RAD51B: variants seen among roughly 807,000 people sequenced by gnomAD.
The protein encoded by RAD51B is DNA repair protein RAD51 homolog 2.
Under a neutral mutation model 42.2 loss-of-function variants are expected in RAD51B, and 38 were observed. The observed-to-expected ratio is 0.90, with a 90% CI of 0.70 to 1.18. The LOEUF (loss-of-function observed/expected upper bound fraction) is 1.18, where lower values mean the gene tolerates loss of function less well. RAD51B is among the 50% of genes most tolerant of loss of function. The pLI is 0.00. For missense variants in RAD51B, 373 were observed against 400.7 expected, an observed-to-expected ratio of 0.93 and a Z score of 0.59; for synonymous variants, 154 against 145.2, an observed-to-expected ratio of 1.06 and a Z score of -0.43.
intron 7 of RAD51B, among the ~76,000 whole-genome samples, chr14:67,975,522 A>C (rs1214547222): frequency 2.6e-5 from 4 of 152,216 alleles, no homozygotes; most frequent in Admixed American, 6.5e-5. Flanking sequence ...ACAATCCTTA[A>C]CCAAATTAAA....
intron 1 of RAD51B, among the ~76,000 whole-genome samples, chr14:67,822,699 G>A (rs1594953995): frequency 6.6e-6 from 1 of 151,774 alleles, no homozygotes; most frequent in Admixed American, 6.6e-5. Flanking sequence ...CTCCAGCTGG[G>A]GTGACAGAGC....
chr14:68,016,163 G>A (rs4902544), intron 7 of RAD51B, among the ~76,000 whole-genome samples: 59 of 152,090 alleles, frequency 3.9e-4, no homozygotes, highest in East Asian at 2.9e-3. Context: ...AGCCATCAGC[G>A]TATGCCTCTA....
chr14:67,937,342 T>G (rs1035096590), intron 7 of RAD51B, among the ~76,000 whole-genome samples: 2 of 152,192 alleles, frequency 1.3e-5, no homozygotes, highest in Non-Finnish European at 2.9e-5. Context: ...ATTGGGGTAG[T>G]GAGAAAAGAA....
intron 7 of RAD51B, among the ~76,000 whole-genome samples, chr14:68,217,538 T>C (rs1317185893): frequency 6.6e-6 from 1 of 152,210 alleles, no homozygotes; most frequent in Non-Finnish European, 1.5e-5. Flanking sequence ...TTGAGTTCTT[T>C]ACCCACTCAG....
chr14:68,512,711 CTG>C (rs1438702679), intron 10 of RAD51B, among the ~76,000 whole-genome samples: 1 of 152,142 alleles, frequency 6.6e-6, no homozygotes, highest in Non-Finnish European at 1.5e-5. Flanking sequence ...AAAAAGGACA[CTG>C]TTCCTTCTTA....
intron 7 of RAD51B, among the ~76,000 whole-genome samples, chr14:68,073,094 G>T (rs896828165): frequency 6.6e-6 from 1 of 152,112 alleles, no homozygotes. Flanking sequence ...CTGCCTCGAT[G>T]GTTTGTCCGA....
At chr14:68,494,607 G>A (rs1486718469) in intron 10 of RAD51B, among the ~76,000 whole-genome samples, 3 of 152,012 alleles carry the variant, frequency 2.0e-5, no homozygotes, top group African/African-American at 7.3e-5. Flanking sequence ...TCCTATTCTT[G>A]TTGCCTTTGA....
At chr14:68,014,494 C>T (rs1490967124) in intron 7 of RAD51B, among the ~76,000 whole-genome samples, 3 of 152,102 alleles carry the variant, frequency 2.0e-5, no homozygotes, top group African/African-American at 4.8e-5. Flanking sequence ...CAGATAGAAG[C>T]ATATTCTTGT....
chr14:67,857,446 G>GT (rs2042033373), intron 4 of RAD51B, among the ~76,000 whole-genome samples: 1 of 152,242 alleles, frequency 6.6e-6, no homozygotes, highest in South Asian at 2.1e-4. Flanking sequence ...AGTTGCCCTT[G>GT]TTTAACTTTT....
intron 3 of RAD51B, among the ~76,000 whole-genome samples, chr14:67,830,166 G>C (rs749181340): frequency 1.3e-4 from 20 of 152,228 alleles, no homozygotes; most frequent in Non-Finnish European, 2.8e-4. Context: ...GATTATTAGG[G>C]CTTTGATTTG....
chr14:68,042,099 T>C (rs980296401), intron 7 of RAD51B, among the ~76,000 whole-genome samples: 1 of 152,212 alleles, frequency 6.6e-6, no homozygotes, highest in South Asian at 2.1e-4. Flanking sequence ...ATACTGTCTG[T>C]GTGATTTTTT....
chr14:68,514,766 C>T (rs1021432319), intron 10 of RAD51B, among the ~76,000 whole-genome samples: 4 of 152,190 alleles, frequency 2.6e-5, no homozygotes, highest in Non-Finnish European at 4.4e-5. Context: ...ATCCCCTTCA[C>T]CTGCTTAATG....
At chr14:68,071,001 A>G (rs756795780) in intron 7 of RAD51B, among the ~76,000 whole-genome samples, 1 of 151,994 alleles carries the variant, frequency 6.6e-6, no homozygotes, top group Non-Finnish European at 1.5e-5. Flanking sequence ...TTTCACCTCC[A>G]TGATTAGGTG....
At chr14:68,667,622 C>G in intron 11 of RAD51B, among the ~76,000 whole-genome samples, 1 of 152,252 alleles carries the variant, frequency 6.6e-6, no homozygotes, top group East Asian at 1.9e-4. Flanking sequence ...GATTCCCAGG[C>G]CAACACTAAG....
At chr14:68,621,627 T>C (rs554466086) in intron 10 of RAD51B, among the ~76,000 whole-genome samples, 1 of 152,376 alleles carries the variant, frequency 6.6e-6, no homozygotes, top group East Asian at 1.9e-4. Context: ...CCCCAGGGTC[T>C]GGGCTAAGGC....
chr14:68,360,234 C>T (rs1394418423), intron 8 of RAD51B, among the ~76,000 whole-genome samples: 1 of 152,198 alleles, frequency 6.6e-6, no homozygotes, highest in Non-Finnish European at 1.5e-5. Flanking sequence ...TCAGAGCCCA[C>T]CACGTGCCTC....
In RAD51B at chr14:67,864,246, A is replaced by C. The variant is rs1049127357; in HGVS notation, c.316-757A>C. 2.0e-5 allele frequency among the ~76,000 whole-genome samples: 3 copies of C among 152,316 alleles called. No homozygotes were observed. The East Asian group carries it at 5.8e-4, about 29-fold the overall frequency. On this transcript the variant is annotated intron_variant, in intron 4 of 10. Coordinates refer to ENST00000471583, the MANE Select transcript of RAD51B (RefSeq NM_133510.4). Reference sequence around the variant, plus strand: ...ACAGAGCCAAACTACTTCTAGTTACACTTGAATATGGATATAATTAATTTC... The same window carrying C: ...ACAGAGCCAAACTACTTCTAGTTACCCTTGAATATGGATATAATTAATTTC...
chr14:68,265,541 G>A lies in RAD51B; in HGVS notation c.757-26343G>A, dbSNP rs531133549. Among the ~76,000 whole-genome samples, 7 of 152,264 alleles carry A rather than the reference G, an allele frequency of 4.6e-5. No homozygotes were observed. In the South Asian group the frequency reaches 1.5e-3, roughly 32 times the overall value. On this transcript the variant is annotated intron_variant, in intron 7 of 10. Coordinates refer to ENST00000471583, the MANE Select transcript of RAD51B (RefSeq NM_133510.4). Reference sequence around the variant, plus strand: ...GAGGCAGGTGGAACACCTGAGGTCAGGAGTTCAAGACCAGCCTGGCCAATA... The same window carrying A: ...GAGGCAGGTGGAACACCTGAGGTCAAGAGTTCAAGACCAGCCTGGCCAATA...
chr14:68,599,807 C>T (rs2140092162), downstream of RAD51B, among the ~76,000 whole-genome samples: 1 of 152,350 alleles, frequency 6.6e-6, no homozygotes, highest in East Asian at 1.9e-4. Flanking sequence ...GACAGAAATT[C>T]TGTGAAAGTC....
Sources: gnomAD v4.1 joint callset for allele counts (sites outside exome capture counted in the v4.1 genomes callset) on GRCh38, gnomAD v4.1.1 for gene constraint, MANE v1.5 for transcripts, NCBI Gene and HGNC (gene_info 2026-07-23, HGNC 2026-07-21) for gene names.